The following KLHL13 variants were observed in gnomAD, a reference collection of about 807,000 sequenced individuals.
KLHL13 encodes the protein kelch-like protein 13.
A neutral mutation model predicts 37.1 loss-of-function variants in KLHL13; 10 were observed. That is an observed-to-expected ratio of 0.27 (90% confidence interval 0.17 to 0.46). KLHL13 has a LOEUF of 0.46. Ranked by LOEUF, KLHL13 falls within the 20% of genes least tolerant of loss-of-function variation. The probability of loss-of-function intolerance (pLI) is 1.00; values close to 1 mark genes in which losing one functional copy is unlikely to be tolerated. For missense variants in KLHL13, 360 were observed against 509.3 expected (o/e 0.71, Z 2.82); for synonymous variants, 163 against 181.2 (o/e 0.90, Z 0.81).
At chrX:118,100,292 T>C (rs1396698006) in intron 1 of KLHL13, among the ~76,000 whole-genome samples, 1 of 111,819 alleles carries the variant, frequency 8.9e-6, no homozygotes, top group East Asian at 2.8e-4. Context: ...ATGCTGCAGC[T>C]GCTACCACGT....
intron 2 of KLHL13, among the ~76,000 whole-genome samples, chrX:117,942,513 T>C (rs1933095449): frequency 8.9e-6 from 1 of 111,874 alleles, no homozygotes; most frequent in South Asian, 3.7e-4. Context: ...TGGGTGCTCC[T>C]GTAGTGGGTG....
chrX:117,944,006 G>A (rs983926150), intron 2 of KLHL13, among the ~76,000 whole-genome samples: 1 of 110,810 alleles, frequency 9.0e-6, no homozygotes, highest in Non-Finnish European at 1.9e-5. Context: ...CTTCAGATGC[G>A]GTTTCTGTGT....
intron 1 of KLHL13, among the ~76,000 whole-genome samples, chrX:118,068,383 G>A (rs2054817476): frequency 1.8e-5 from 2 of 111,300 alleles, no homozygotes; most frequent in African/African-American, 3.3e-5. Flanking sequence ...ACCAGGGTGC[G>A]TCAAAGGAGT....
chrX:118,025,528 C>T (rs948195226), intron 1 of KLHL13, among the ~76,000 whole-genome samples: 6 of 111,044 alleles, frequency 5.4e-5, no homozygotes, highest in African/African-American at 1.3e-4. Flanking sequence ...CTTGTGTTCA[C>T]GGAACCCTTA....
intron 1 of KLHL13, among the ~76,000 whole-genome samples, chrX:117,950,913 T>C (rs978983346): frequency 1.8e-5 from 2 of 112,479 alleles, no homozygotes; most frequent in Admixed American, 1.9e-4. Flanking sequence ...CCTGTTCTCA[T>C]ACTCATTTGA....
At chrX:118,017,513 T>C (rs1347860304) in intron 1 of KLHL13, among the ~76,000 whole-genome samples, 1 of 111,081 alleles carries the variant, frequency 9.0e-6, no homozygotes, top group Non-Finnish European at 1.9e-5. Flanking sequence ...AGGCAAAAGA[T>C]GAGAGTAGCT....
intron 1 of KLHL13, among the ~76,000 whole-genome samples, chrX:117,965,078 A>C (rs1371208746): frequency 8.9e-6 from 1 of 112,050 alleles, no homozygotes; most frequent in Non-Finnish European, 1.9e-5. Flanking sequence ...AGCAGCATAA[A>C]TTATAATCCT....
At chrX:118,063,700 C>A (rs1396373248) in intron 1 of KLHL13, among the ~76,000 whole-genome samples, 2 of 111,593 alleles carry the variant, frequency 1.8e-5, no homozygotes, top group African/African-American at 6.5e-5. Context: ...TAAAGGGTAG[C>A]AGCAATGTGA....
intron 1 of KLHL13, among the ~76,000 whole-genome samples, chrX:118,082,435 T>C (rs1266053987): frequency 9.0e-6 from 1 of 111,546 alleles, no homozygotes; most frequent in East Asian, 2.8e-4. Flanking sequence ...TCCGCTCTTT[T>C]GCCAATTTTT....
At chrX:117,910,793 T>A (rs1043039635) in intron 4 of KLHL13, among the ~76,000 whole-genome samples, 1 of 111,667 alleles carries the variant, frequency 9.0e-6, no homozygotes, top group Non-Finnish European at 1.9e-5. Context: ...GATTTTGGTA[T>A]CTGTGATGAC....
chrX:118,046,464 A>G (rs779817730), intron 1 of KLHL13, among the ~76,000 whole-genome samples: 1 of 112,039 alleles, frequency 8.9e-6, no homozygotes, highest in Non-Finnish European at 1.9e-5. Flanking sequence ...AATAAATAAG[A>G]TCTATTATTT....
intron 1 of KLHL13, among the ~76,000 whole-genome samples, chrX:118,084,094 C>A (rs765486348): frequency 9.2e-6 from 1 of 109,189 alleles, no homozygotes; most frequent in African/African-American, 3.4e-5. Flanking sequence ...CCAAGGTAGG[C>A]GGATTGTTTG....
chrX:118,089,825 T>G (rs1406391294), intron 1 of KLHL13, among the ~76,000 whole-genome samples: 1 of 110,671 alleles, frequency 9.0e-6, no homozygotes. Flanking sequence ...ACACCTGTTA[T>G]CCCAGCATTT....
chrX:117,988,577 C>G (rs1160469295), intron 1 of KLHL13, among the ~76,000 whole-genome samples: 1 of 111,840 alleles, frequency 8.9e-6, no homozygotes, highest in African/African-American at 3.2e-5. Context: ...TATCAGATTT[C>G]AGTAGATTAC....
At position 118,060,507 on chromosome X, in the gene KLHL13, A is replaced by T. The variant is rs747248023; in HGVS notation, c.-56+56001T>A. Reference sequence around the variant, plus strand: ...TAAAAATGGAAGCAGATGAAAAAAGAAGTATTATTTATAGAATTCTTCCAC... The same window carrying T: ...TAAAAATGGAAGCAGATGAAAAAAGTAGTATTATTTATAGAATTCTTCCAC... On this transcript the variant is annotated intron_variant, in intron 1 of 6. Transcript: ENST00000371882. 4.5e-5 allele frequency among the ~76,000 whole-genome samples: 5 copies of T among 111,437 alleles called. No individual in the cohort carries two copies. In the South Asian group the frequency reaches 1.5e-3, roughly 34 times the overall value.
chrX:118,049,131 T>C (rs1178632226), intron 1 of KLHL13, among the ~76,000 whole-genome samples: 1 of 111,919 alleles, frequency 8.9e-6, no homozygotes, highest in Non-Finnish European at 1.9e-5. Context: ...CCTTAGCCAA[T>C]TTCACACTAC....
At position 117,978,772 on chromosome X, in the gene KLHL13, T is replaced by C. The variant is rs894629977; in HGVS notation, c.-55-33197A>G. Among the ~76,000 whole-genome samples, 4 of 105,474 alleles carry C rather than the reference T, an allele frequency of 3.8e-5. No homozygotes were observed. The Admixed American group carries it at 4.0e-4, about 11-fold the overall frequency. The allele number at this position is 105,474 out of a possible 115,157, so 91.6% of individuals were successfully genotyped here. A position where few individuals can be genotyped will look rare whatever the true frequency, so the allele number is the denominator to read the frequency against. On this transcript the variant is annotated intron_variant, in intron 1 of 6. Coordinates refer to the KLHL13 transcript ENST00000371882. The stretch of plus-strand genomic sequence containing the variant: ...TTCTTCATTTTGTTTTCTGGCACTA[T>C]CTATACTCTTTATGGCTTTTCTTTT...
intron 1 of KLHL13, among the ~76,000 whole-genome samples, chrX:118,086,084 T>C (rs1390193701): frequency 1.8e-5 from 2 of 109,677 alleles, no homozygotes; most frequent in Non-Finnish European, 3.8e-5. Flanking sequence ...ACTACAGGAG[T>C]GCGCCACCAC....
intron 1 of KLHL13, among the ~76,000 whole-genome samples, chrX:118,001,543 CAG>C (rs1199494310): frequency 9.9e-5 from 11 of 111,574 alleles, no homozygotes; most frequent in African/African-American, 3.6e-4. Context: ...TCCTGATTGT[CAG>C]AACACTGGAC....
Sources: allele counts gnomAD v4.1 joint callset (sites outside exome capture counted in the v4.1 genomes callset), GRCh38; gene constraint gnomAD v4.1.1; transcripts MANE v1.5; gene names NCBI Gene and HGNC (gene_info 2026-07-23, HGNC 2026-07-21).